TIMM21: variants seen among roughly 807,000 people sequenced by gnomAD.
The protein encoded by TIMM21 is mitochondrial import inner membrane translocase subunit Tim21.
In TIMM21, 30 loss-of-function variants were observed where a neutral mutation model predicts 27.7. That is an observed-to-expected ratio of 1.08 (90% CI 0.81 to 1.47). The LOEUF (loss-of-function observed/expected upper bound fraction) is 1.47. TIMM21 is among the 40% of genes most tolerant of loss of function. TIMM21 has a pLI of 0.00. For missense variants in TIMM21, 292 were observed against 302.9 expected (o/e 0.96, Z 0.27); for synonymous variants, 121 against 114.4 (o/e 1.06, Z -0.37).
At chr18:74,150,440 T>A (rs1979770068) in intron 1 of TIMM21, among the ~76,000 whole-genome samples, 1 of 152,326 alleles carries the variant, frequency 6.6e-6, no homozygotes, top group East Asian at 1.9e-4. Context: ...GAAATAGCCA[T>A]GAGTGGCAAG....
At chr18:74,155,734 A>G (rs1203564673) in intron 3 of TIMM21, among the ~76,000 whole-genome samples, 2 of 152,222 alleles carry the variant, frequency 1.3e-5, no homozygotes, top group African/African-American at 4.8e-5. Flanking sequence ...TCATAATGTC[A>G]TTGCTGACAC....
At chr18:74,155,578 A>C in intron 3 of TIMM21, 175 bp downstream of exon 3, 1 of 601,762 alleles carries the variant, frequency 1.7e-6, no homozygotes, top group East Asian at 2.8e-5. Context: ...AGAACCCAAA[A>C]GTCAGTGTAC....
At position 74,158,386 on chromosome 18, in the gene TIMM21, G is replaced by C; in HGVS notation, c.653G>C (p.Ser218Thr). The change falls in exon 6 of 6, where the codon AGT becomes ACT. Residue 218 changes from serine (S) to threonine (T), a missense_variant. Transcript: ENST00000169551. ...CTACATTTTTTTCAGAACCCAGGAA[G>C]TGGTGAATATGATTTTCGATATATA... ...VYAQVKENPG[S>T]GEYDFRYIFV... The C allele has an allele frequency of 6.2e-7, 1 of 1,607,898 alleles. No homozygotes were observed. Among genetic ancestry groups the C allele is most frequent in the Non-Finnish European group, 8.5e-7 (1 of 1,176,164 alleles).
At chr18:74,155,650 T>A (rs1370172776) in intron 3 of TIMM21, among the ~76,000 whole-genome samples, 1 of 152,210 alleles carries the variant, frequency 6.6e-6, no homozygotes, top group African/African-American at 2.4e-5. Flanking sequence ...GATACTAAAT[T>A]TTTAGAATAC....
chr18:74,155,433 T>C (rs1979926491), intron 3 of TIMM21, 30 bp downstream of exon 3: 1 of 1,557,550 alleles, frequency 6.4e-7, no homozygotes, highest in African/African-American at 1.4e-5. Context: ...TTACATGAAC[T>C]CTGATGAGGG....
intron 3 of TIMM21, 141 bp downstream of exon 3, chr18:74,155,544 A>G (rs571658975): frequency 2.9e-6 from 2 of 690,518 alleles, no homozygotes; most frequent in East Asian, 5.4e-5. Flanking sequence ...TCATCATTAC[A>G]TTATTAGGTC....
At chr18:74,156,180 A>C (rs1400437392) in intron 3 of TIMM21, 1 of 398,470 alleles carries the variant, frequency 2.5e-6, no homozygotes, top group Non-Finnish European at 4.4e-6. Context: ...ATACAACTTC[A>C]TTCACCCTGA....
Position 74,155,191 on chromosome 18 carries a change from T to C in TIMM21, c.348T>C (p.Phe116=). The C allele has an allele frequency of 1.2e-6, 2 of 1,614,258 alleles. No homozygotes were observed. The highest frequency in any genetic ancestry group is 2.2e-5 in the East Asian group (1 of 44,888). The change falls in exon 2 of 6, where the codon TTT becomes TTC. Residue 116 remains phenylalanine, a synonymous_variant. Coordinates refer to ENST00000169551, the MANE Select transcript of TIMM21 (RefSeq NM_014177.3). ...RDFTYLIVVL[F]GISITGGLFY... ...TTACCTATTTAATAGTGGTGCTTTT[T>C]GGAATCAGCATTACAGGTTGCAAAA...
chr18:74,149,236 A>T, intron 1 of TIMM21, 127 bp downstream of exon 1: 1 of 1,101,302 alleles, frequency 9.1e-7, no homozygotes, highest in Non-Finnish European at 1.3e-6. Context: ...AACCGTTTAA[A>T]CATAATTTAG....
chr18:74,156,462 C>T, intron 3 of TIMM21: 1 of 394,452 alleles, frequency 2.5e-6, no homozygotes, highest in Non-Finnish European at 4.5e-6. Flanking sequence ...GATTTCTCTT[C>T]ATTGAGCTCT....
Position 74,157,998 on chromosome 18 carries a change from T to C in TIMM21, c.463-16T>C, listed in dbSNP as rs779602889. On this transcript the variant is annotated splice_polypyrimidine_tract_variant and intron_variant, in intron 3 of 5. Transcript: ENST00000169551. ...AAAAAAATAACACAAAATAAAGCAC[T>C]GTCCTTGTTCTGCAGGTGATCGGTG... is the stretch of plus-strand genomic sequence containing the variant. The C allele has an allele frequency of 6.8e-6, 11 of 1,613,482 alleles. No homozygotes were observed. The African/African-American group carries it at 1.2e-4, about 18-fold the overall frequency.
rs1208370070 is a variant in TIMM21, at chr18:74,152,921, G to T, written c.302-2224G>T. Among the ~76,000 whole-genome samples, 2 of 152,208 alleles carry T rather than the reference G, an allele frequency of 1.3e-5. No individual in the cohort carries two copies. The highest frequency in any genetic ancestry group is 1.5e-5 in the Non-Finnish European group (1 of 68,038). Reference sequence around the variant, plus strand: ...AGTCACTGTCCTACCTAATATGGGGGCTGAGTCTTATGCTTCTGCATCAAC... The same window carrying T: ...AGTCACTGTCCTACCTAATATGGGGTCTGAGTCTTATGCTTCTGCATCAAC... On this transcript the variant is annotated intron_variant, in intron 1 of 5. Coordinates refer to ENST00000169551, the MANE Select transcript of TIMM21 (RefSeq NM_014177.3). The surrounding 1 kb of genome is among the most constrained non-coding windows in gnomAD (Gnocchi z 4.1).
intron 3 of TIMM21, chr18:74,156,284 C>T: frequency 2.5e-6 from 1 of 398,668 alleles, no homozygotes; most frequent in Non-Finnish European, 4.4e-6. Context: ...CTCGCATTTG[C>T]AGCCCCTGAA....
intron 1 of TIMM21, 43 bp downstream of exon 1, chr18:74,149,152 A>G (rs1359467223): frequency 6.4e-7 from 1 of 1,570,116 alleles, no homozygotes. Context: ...AACAGACATG[A>G]CAAGAGCTGC....
Position 74,158,725 on chromosome 18 carries a change from C to A in TIMM21, c.*245C>A. On this transcript the variant is annotated 3_prime_UTR_variant, in exon 6 of 6. Coordinates refer to ENST00000169551, the MANE Select transcript of TIMM21 (RefSeq NM_014177.3). ...ATATTTCTGCTTTAACACCATCTTT[C>A]ATGATTAGAAATGTTTGTTATTGGA... 2.6e-6 allele frequency: 1 copy of A among 380,094 alleles called. No individual in the cohort carries two copies. Among genetic ancestry groups the A allele is most frequent in the Non-Finnish European group, 4.8e-6 (1 of 210,260 alleles). The allele number at this position is 380,094 out of a possible 1,614,324, so 23.5% of individuals were successfully genotyped here. A position where few individuals can be genotyped will look rare whatever the true frequency, so the allele number is the denominator to read the frequency against.
At chr18:74,153,482 G>A (rs1599208979) in intron 1 of TIMM21, among the ~76,000 whole-genome samples, 1 of 152,354 alleles carries the variant, frequency 6.6e-6, no homozygotes, top group South Asian at 2.1e-4. Flanking sequence ...CAACCTGGGA[G>A]TTGATACATA....
At chr18:74,149,339 T>C (rs549646859) in intron 1 of TIMM21, among the ~76,000 whole-genome samples, 7 of 152,370 alleles carry the variant, frequency 4.6e-5, no homozygotes, top group Admixed American at 3.9e-4. Flanking sequence ...TTTCATTATG[T>C]TTGGGAAATT....
chr18:74,156,024 G>A (rs192632856), intron 3 of TIMM21, among the ~76,000 whole-genome samples: 2 of 152,286 alleles, frequency 1.3e-5, no homozygotes, highest in Admixed American at 1.3e-4. Context: ...ACATGGGGAA[G>A]CTGCCTTGGT....
chr18:74,155,153 G>A lies in TIMM21; in HGVS notation c.310G>A (p.Ala104Thr). Reference sequence around the variant, plus strand: ...GTGTTTTCTCTTCACAGTGAAAGAAGCCGGAAGAGATTTTACCTATTTAAT... The same window carrying A: ...GTGTTTTCTCTTCACAGTGAAAGAAACCGGAAGAGATTTTACCTATTTAAT... ...AVPTSQKVKE[A>T]GRDFTYLIVV... The change falls in exon 2 of 6, where the codon GCC becomes ACC. Residue 104 changes from alanine to threonine, a missense_variant. Coordinates refer to ENST00000169551, the MANE Select transcript of TIMM21 (RefSeq NM_014177.3). The A allele has an allele frequency of 6.2e-7, 1 of 1,614,194 alleles. No homozygotes were observed. The highest frequency in any genetic ancestry group is 8.5e-7 in the Non-Finnish European group (1 of 1,180,032).
Sources: gnomAD v4.1 joint callset for allele counts (sites outside exome capture counted in the v4.1 genomes callset) on GRCh38, gnomAD v4.1.1 for gene constraint, Gnocchi (gnomAD v3.1) non-coding constraint, MANE v1.5 for transcripts, NCBI Gene and HGNC (gene_info 2026-07-23, HGNC 2026-07-21) for gene names.